PRR14L: variants seen among roughly 807,000 people sequenced by gnomAD.
The protein encoded by PRR14L is proline rich 14 like.
A neutral mutation model predicts 155.0 loss-of-function variants in PRR14L; 80 were observed. The observed-to-expected ratio is 0.52, with a 90% CI of 0.43 to 0.62. The LOEUF (loss-of-function observed/expected upper bound fraction) is 0.62, where lower values mean the gene tolerates loss of function less well. Among genes scored for constraint, PRR14L ranks in the 20% least tolerant of loss-of-function variants. The probability of loss-of-function intolerance (pLI) is 0.00; values close to 1 mark genes in which losing one functional copy is unlikely to be tolerated. For missense variants in PRR14L, 2,469 were observed against 2,548.0 expected (o/e 0.97, Z 0.67); for synonymous variants, 883 against 916.0 (o/e 0.96, Z 0.65).
intron 2 of PRR14L, 32 bp from the exon 3 acceptor site, chr22:31,725,642 A>G (rs1017673372): frequency 1.3e-4 from 161 of 1,233,578 alleles, no homozygotes; most frequent in Non-Finnish European, 1.7e-4. Flanking sequence ...GTCAAGGGGG[A>G]TTCAGAAGAT....
chr22:31,713,390 G>A lies in PRR14L; in HGVS notation c.4449C>T (p.Cys1483=). The A allele has an allele frequency of 1.3e-6, 2 of 1,551,984 alleles. No individual in the cohort carries two copies. The highest frequency in any genetic ancestry group is 1.7e-6 in the Non-Finnish European group (2 of 1,147,060). The change falls in exon 4 of 9, where the codon TGC becomes TGT. Residue 1483 remains cysteine (C), a synonymous_variant. Coordinates refer to ENST00000327423, the MANE Select transcript of PRR14L (RefSeq NM_173566.3). ...GGGCACCAAGAAGGCAAGGACTTGT[G>A]CATGACTCAGTGTCCTTCCTTAATG... The part of the protein sequence containing the change: ...HHPLRKDTES[C]TSPCLLGAPR...
intron 1 of PRR14L, among the ~76,000 whole-genome samples, chr22:31,748,569 G>A (rs1484526516): frequency 2.6e-5 from 4 of 152,240 alleles, no homozygotes; most frequent in African/African-American, 7.2e-5. Flanking sequence ...CAAGAGGGAA[G>A]AGATCTCTCC....
chr22:31,704,809 C>A, intron 4 of PRR14L, 83 bp from the exon 5 acceptor site: 2 of 975,430 alleles, frequency 2.1e-6, no homozygotes, highest in Non-Finnish European at 1.6e-6. Flanking sequence ...TGGGTATTAG[C>A]ACATGATAGC....
At chr22:31,708,065 C>T (rs1304436104) in intron 4 of PRR14L, among the ~76,000 whole-genome samples, 1 of 151,798 alleles carries the variant, frequency 6.6e-6, no homozygotes, top group Non-Finnish European at 1.5e-5. Context: ...GGGAGAATCG[C>T]TTGAACCTGG....
intron 2 of PRR14L, among the ~76,000 whole-genome samples, chr22:31,733,907 CACACACACACACACATACACCACACAA>C (rs1257081517): frequency 6.6e-6 from 1 of 150,496 alleles, no homozygotes. Context: ...ACCACCACCA[CACACACACACACACATACACCACACAA>C]ACACACACAC....
At chr22:31,743,289 C>T (rs887360560) in intron 1 of PRR14L, among the ~76,000 whole-genome samples, 11 of 151,096 alleles carry the variant, frequency 7.3e-5, no homozygotes, top group African/African-American at 2.7e-4. Flanking sequence ...GAGACAAAAC[C>T]GAAAGTCTGT....
chr22:31,716,322 T>G lies in PRR14L; in HGVS notation c.1517A>C (p.His506Pro). ...TFTNMSHPGG[H>P]SEESSFSSLM... ...GGAGGAAAAACTGCTTTCTTCAGAG[T>G]GTCCACCAGGATGGCTCATATTAGT... The change falls in exon 4 of 9, where the codon CAC becomes CCC. Residue 506 changes from histidine to proline, a missense_variant. His to Pro is a moderately conservative substitution (Grantham distance 77, BLOSUM62 -2). Transcript: ENST00000327423. The G allele has an allele frequency of 6.4e-7, 1 of 1,551,688 alleles. No individual in the cohort carries two copies. Among genetic ancestry groups the G allele is most frequent in the Non-Finnish European group, 8.7e-7 (1 of 1,146,978 alleles).
At chr22:31,742,850 T>C (rs951398621) in intron 1 of PRR14L, among the ~76,000 whole-genome samples, 1 of 152,058 alleles carries the variant, frequency 6.6e-6, no homozygotes, top group Non-Finnish European at 1.5e-5. Context: ...ATAAACAAAA[T>C]GTGGTATAGC....
chr22:31,702,379 C>A (rs576028730), intron 6 of PRR14L, among the ~76,000 whole-genome samples: 1 of 152,170 alleles, frequency 6.6e-6, no homozygotes, highest in Non-Finnish European at 1.5e-5. Flanking sequence ...TGTGCCACCA[C>A]GCCCGGCTTA....
intron 2 of PRR14L, among the ~76,000 whole-genome samples, chr22:31,732,417 T>G (rs534364344): frequency 4.5e-4 from 68 of 152,310 alleles, no homozygotes; most frequent in Admixed American, 8.5e-4. Flanking sequence ...GCTAAACACC[T>G]GCTTTCCTTC....
rs1037404593 is a variant in PRR14L at position 31,682,051 on chromosome 22, T to A, written c.*3476A>T. ...CCTAAAAGTTGGTCTTTCGCAGATC[T>A]TAATGTACATGGCATTGATTATGAG... On this transcript the variant is annotated 3_prime_UTR_variant, in exon 9 of 9. Transcript: ENST00000327423. The A allele has an allele frequency of 5.3e-5, 8 of 152,214 alleles. No homozygotes were observed. The highest frequency in any genetic ancestry group is 1.5e-5 in the Non-Finnish European group (1 of 68,040). The allele number at this position is 152,214 out of a possible 1,614,324, so 9.4% of individuals were successfully genotyped here. A position where few individuals can be genotyped will look rare whatever the true frequency, so the allele number is the denominator to read the frequency against.
intron 1 of PRR14L, among the ~76,000 whole-genome samples, chr22:31,743,750 T>C (rs1367902510): frequency 6.7e-6 from 1 of 148,902 alleles, no homozygotes; most frequent in Non-Finnish European, 1.5e-5. Context: ...TGCAGTGACC[T>C]GAGATGGGGC....
chr22:31,737,103 C>G (rs1229596773), intron 2 of PRR14L, among the ~76,000 whole-genome samples: 1 of 151,376 alleles, frequency 6.6e-6, no homozygotes, highest in Non-Finnish European at 1.5e-5. Flanking sequence ...CTACGTGGCC[C>G]CTGATAGAAA....
At chr22:31,747,219 T>C (rs1755922513) in intron 1 of PRR14L, among the ~76,000 whole-genome samples, 1 of 151,764 alleles carries the variant, frequency 6.6e-6, no homozygotes, top group Non-Finnish European at 1.5e-5. Flanking sequence ...CAAGCGATTC[T>C]CCTGCCTCAG....
intron 1 of PRR14L, among the ~76,000 whole-genome samples, chr22:31,746,569 G>T (rs1225180602): frequency 6.6e-6 from 1 of 152,122 alleles, no homozygotes; most frequent in South Asian, 2.1e-4. Context: ...ATAAACCATA[G>T]ATTTATGAAC....
intron 1 of PRR14L, among the ~76,000 whole-genome samples, chr22:31,747,257 T>C (rs5998113): frequency 0.095 from 14,433 of 151,518 alleles, 763 homozygotes; most frequent in Admixed American, 0.15. Context: ...ATTACAGGCA[T>C]GTGCCACCAT....
chr22:31,740,959 T>C (rs1451320647), intron 1 of PRR14L, among the ~76,000 whole-genome samples: 2 of 150,778 alleles, frequency 1.3e-5, no homozygotes, highest in African/African-American at 2.4e-5. Context: ...CTAGTCAATA[T>C]GGTGAAATCC....
At chr22:31,692,244 ATTT>A (rs376439908) in intron 7 of PRR14L, among the ~76,000 whole-genome samples, 1 of 148,208 alleles carries the variant, frequency 6.7e-6, no homozygotes, top group African/African-American at 2.5e-5. Context: ...GGAACTGCCA[ATTT>A]TTTTTTTTAC....
intron 2 of PRR14L, among the ~76,000 whole-genome samples, chr22:31,733,286 C>T (rs1485110988): frequency 6.9e-6 from 1 of 144,054 alleles, no homozygotes; most frequent in Non-Finnish European, 1.5e-5. Context: ...TGAGCCACCG[C>T]GCCTGGCCAC....
Sources: allele counts gnomAD v4.1 joint callset (sites outside exome capture counted in the v4.1 genomes callset), GRCh38; gene constraint gnomAD v4.1.1; transcripts MANE v1.5; gene names NCBI Gene and HGNC (gene_info 2026-07-23, HGNC 2026-07-21).